The following MAPKAPK3 variants were observed in gnomAD, a reference collection of about 807,000 sequenced individuals.
The protein encoded by MAPKAPK3 is MAPK activated protein kinase 3, also known as MAP kinase-activated protein kinase 3.
In MAPKAPK3, 35 loss-of-function variants were observed where a neutral mutation model predicts 49.2. The observed-to-expected ratio is 0.71, with a 90% CI of 0.54 to 0.94. The LOEUF is 0.94. MAPKAPK3 is among the 40% of genes least tolerant of loss of function. MAPKAPK3 has a pLI of 0.00. For missense variants in MAPKAPK3, 398 were observed against 493.1 expected (o/e 0.81, Z 1.83); for synonymous variants, 178 against 188.7 (o/e 0.94, Z 0.46).
At chr3:50,615,976 C>A (rs1344128343), upstream of MAPKAPK3, among the ~76,000 whole-genome samples, 1 of 152,218 alleles carries the variant, frequency 6.6e-6, no homozygotes, top group Admixed American at 6.5e-5. Context: ...CGTGAGTGTG[C>A]GTGTGTTAAC....
intron 8 of MAPKAPK3, 34 bp downstream of exon 8, chr3:50,646,298 C>CT: frequency 6.2e-7 from 1 of 1,612,348 alleles, no homozygotes; most frequent in Non-Finnish European, 8.5e-7. Flanking sequence ...CCTGACTCAC[C>CT]TGGCCCCTGC....
chr3:50,619,745 C>T (rs191380485), intron 2 of MAPKAPK3, among the ~76,000 whole-genome samples: 5 of 152,198 alleles, frequency 3.3e-5, no homozygotes, highest in Admixed American at 2.6e-4. Context: ...ATTTGTAGGC[C>T]CACACAGTGC....
At chr3:50,635,920 CAAAAA>C (rs748358137) in intron 2 of MAPKAPK3, among the ~76,000 whole-genome samples, 2 of 73,516 alleles carry the variant, frequency 2.7e-5, no homozygotes, top group African/African-American at 9.3e-5. Flanking sequence ...CCGTCTCTAC[CAAAAA>C]AAAAAAAAAA....
chr3:50,613,224 G>A (rs1204433247), upstream of MAPKAPK3, among the ~76,000 whole-genome samples: 2 of 152,150 alleles, frequency 1.3e-5, no homozygotes, highest in Non-Finnish European at 2.9e-5. Context: ...CCTTGTTGAA[G>A]GGCCTGAACG....
At chr3:50,611,777 G>C, upstream of MAPKAPK3, 1 of 1,294,706 alleles carries the variant, frequency 7.7e-7, no homozygotes, top group Non-Finnish European at 1.0e-6. Context: ...CAGGGACTGA[G>C]AGGCAGTGGC....
At chr3:50,629,600 A>T (rs2032852462) in intron 2 of MAPKAPK3, among the ~76,000 whole-genome samples, 1 of 152,002 alleles carries the variant, frequency 6.6e-6, no homozygotes, top group South Asian at 2.1e-4. Flanking sequence ...GCCACAGGGG[A>T]GTTGGGAATA....
chr3:50,640,668 G>T (rs796128922), intron 3 of MAPKAPK3, among the ~76,000 whole-genome samples, 163 bp downstream of exon 3: 1 of 152,204 alleles, frequency 6.6e-6, no homozygotes, highest in South Asian at 2.1e-4. Context: ...CCTGCCTGTG[G>T]ATCTATGGAG....
intron 1 of MAPKAPK3, 76 bp downstream of exon 1, chr3:50,617,317 C>T: frequency 2.5e-6 from 1 of 405,260 alleles, no homozygotes. Flanking sequence ...CCCTTCCCTT[C>T]TTGACACGTG....
chr3:50,621,789 A>G (rs2032617128), intron 2 of MAPKAPK3, among the ~76,000 whole-genome samples: 2 of 152,118 alleles, frequency 1.3e-5, no homozygotes, highest in African/African-American at 2.4e-5. Context: ...GAAAGAAAGA[A>G]AAGCAATAAA....
chr3:50,630,541 G>T (rs1484230650), intron 2 of MAPKAPK3, among the ~76,000 whole-genome samples: 2 of 152,262 alleles, frequency 1.3e-5, no homozygotes, highest in African/African-American at 4.8e-5. Flanking sequence ...GAGCTAATGG[G>T]TATGACATGC....
chr3:50,633,951 T>A (rs557604140), intron 2 of MAPKAPK3, among the ~76,000 whole-genome samples: 2 of 152,180 alleles, frequency 1.3e-5, no homozygotes, highest in Non-Finnish European at 2.9e-5. Flanking sequence ...CTGGCCTGTT[T>A]TGAGGCCCCC....
intron 2 of MAPKAPK3, among the ~76,000 whole-genome samples, chr3:50,638,307 TGAGGATTGGGGTACCCCTAGCTAGG>T (rs2107594015): frequency 6.6e-6 from 1 of 152,044 alleles, no homozygotes; most frequent in African/African-American, 2.4e-5. Context: ...CTCCTGTGGC[TGAGGATTGGGGTACCCCTAGCTAGG>T]GCCGCCACAG....
upstream of MAPKAPK3, chr3:50,613,065 C>T (rs997744777): frequency 5.9e-5 from 9 of 152,172 alleles, no homozygotes; most frequent in Non-Finnish European, 8.8e-5. Context: ...CTGTGAATCT[C>T]CTCCAAACCC....
intron 2 of MAPKAPK3, among the ~76,000 whole-genome samples, chr3:50,632,033 T>C (rs1576005037): frequency 6.6e-6 from 1 of 152,236 alleles, no homozygotes; most frequent in African/African-American, 2.4e-5. Flanking sequence ...GGTCTGGTGA[T>C]GTTACCTCAG....
upstream of MAPKAPK3, among the ~76,000 whole-genome samples, chr3:50,616,171 G>A (rs1001083606): frequency 6.6e-6 from 1 of 152,198 alleles, no homozygotes; most frequent in East Asian, 1.9e-4. Flanking sequence ...TTCCAAGTGA[G>A]CCAGCTCGCT....
At chr3:50,647,829 G>A in intron 10 of MAPKAPK3, 65 bp from the exon 11 acceptor site, 1 of 1,487,972 alleles carries the variant, frequency 6.7e-7, no homozygotes, top group South Asian at 1.3e-5. Context: ...CCAGGCAGGG[G>A]GGTGATGGTT....
intron 2 of MAPKAPK3, among the ~76,000 whole-genome samples, chr3:50,627,962 A>G (rs1386957253): frequency 2.6e-5 from 4 of 152,168 alleles, no homozygotes; most frequent in Non-Finnish European, 4.4e-5. Flanking sequence ...GAATGAAGCC[A>G]AAGGATGAGG....
chr3:50,640,624 C>T, intron 3 of MAPKAPK3, 119 bp downstream of exon 3: 1 of 1,284,682 alleles, frequency 7.8e-7, no homozygotes, highest in Admixed American at 2.4e-5. Context: ...GCCACTGTAG[C>T]CCCTGAGGGG....
At chr3:50,612,031 C>T (rs909031817) in exon 1 of MAPKAPK3, 4 of 240,782 alleles carry the variant, frequency 1.7e-5, no homozygotes, top group Non-Finnish European at 2.4e-5. Flanking sequence ...GGCGGGGCCC[C>T]GCGAGCTGAC....
Sources: gnomAD v4.1 joint callset for allele counts (sites outside exome capture counted in the v4.1 genomes callset) on GRCh38, gnomAD v4.1.1 for gene constraint, MANE v1.5 for transcripts, NCBI Gene and HGNC (gene_info 2026-07-23, HGNC 2026-07-21) for gene names.